MTMR14: variants seen among roughly 807,000 people sequenced by gnomAD.
MTMR14 encodes the protein phosphatidylinositol-3,5-bisphosphate 3-phosphatase MTMR14.
Under a neutral mutation model 86.3 loss-of-function variants are expected in MTMR14, and 48 were observed. That is an observed-to-expected ratio of 0.56 (90% CI 0.44 to 0.71). MTMR14 has a LOEUF of 0.71. Among genes scored for constraint, MTMR14 ranks in the 30% least tolerant of loss-of-function variants. The probability of loss-of-function intolerance (pLI) is 0.00; values close to 1 mark genes in which losing one functional copy is unlikely to be tolerated. For missense variants in MTMR14, 780 were observed against 834.6 expected, an observed-to-expected ratio of 0.93 and a Z score of 0.81; for synonymous variants, 366 against 326.1, an observed-to-expected ratio of 1.12 and a Z score of -1.32.
intron 4 of MTMR14, 119 bp downstream of exon 4, chr3:9,668,913 G>C (rs1017824512): frequency 9.7e-7 from 1 of 1,036,082 alleles, no homozygotes; most frequent in Admixed American, 1.8e-5. Context: ...GCCAAGGCGA[G>C]CGGATCCCGA....
chr3:9,672,883 T>G, intron 7 of MTMR14, 125 bp downstream of exon 7: 1 of 887,594 alleles, frequency 1.1e-6, no homozygotes, highest in East Asian at 2.4e-5. Context: ...TGTCAGGCAG[T>G]GTAGGACATT....
At chr3:9,665,279 C>CA (rs748046896) in intron 3 of MTMR14, among the ~76,000 whole-genome samples, 3,801 of 66,538 alleles carry the variant, frequency 0.057, 95 homozygotes, top group Non-Finnish European at 0.072. Context: ...GAGACTGTCT[C>CA]AAAAAAAAAA....
chr3:9,690,759 T>G (rs534910096), intron 17 of MTMR14, among the ~76,000 whole-genome samples: 2 of 152,362 alleles, frequency 1.3e-5, no homozygotes, highest in South Asian at 4.1e-4. Flanking sequence ...TCCTACCACT[T>G]TCATACTCCC....
intron 17 of MTMR14, among the ~76,000 whole-genome samples, chr3:9,695,889 A>G (rs541095039): frequency 6.6e-6 from 1 of 152,328 alleles, no homozygotes; most frequent in South Asian, 2.1e-4. Flanking sequence ...GAGGGGGCAC[A>G]GGGCAGGCTG....
chr3:9,653,397 T>G (rs1257040194), intron 1 of MTMR14, among the ~76,000 whole-genome samples: 2 of 148,648 alleles, frequency 1.3e-5, no homozygotes, highest in Non-Finnish European at 2.9e-5. Context: ...ACCCACAATT[T>G]CAGATTCATT....
intron 2 of MTMR14, among the ~76,000 whole-genome samples, chr3:9,658,694 G>A (rs1429247375): frequency 1.3e-5 from 2 of 152,118 alleles, no homozygotes; most frequent in African/African-American, 4.8e-5. Context: ...TGTAAAATTG[G>A]GTAAGTGAGG....
intron 3 of MTMR14, among the ~76,000 whole-genome samples, chr3:9,665,373 G>GA (rs1491017959): frequency 1.4e-5 from 2 of 145,346 alleles, no homozygotes; most frequent in Non-Finnish European, 2.9e-5. Flanking sequence ...AGCGGAAACA[G>GA]AAAATCAAAT....
At chr3:9,654,774 C>T (rs185899320) in intron 2 of MTMR14, among the ~76,000 whole-genome samples, 3 of 152,316 alleles carry the variant, frequency 2.0e-5, no homozygotes, top group Admixed American at 6.5e-5. Context: ...TTGTTAGAAA[C>T]GCAGAAGCTC....
chr3:9,655,708 G>A (rs535176109), intron 2 of MTMR14, among the ~76,000 whole-genome samples: 113 of 150,244 alleles, frequency 7.5e-4, no homozygotes, highest in Non-Finnish European at 1.5e-3. Flanking sequence ...TGATCCAGCC[G>A]CCTCGGCCTC....
intron 1 of MTMR14, among the ~76,000 whole-genome samples, chr3:9,652,798 T>C (rs1346783822): frequency 1.3e-5 from 2 of 151,882 alleles, no homozygotes; most frequent in Non-Finnish European, 2.9e-5. Context: ...AAGACCAGCC[T>C]GGCCAGCATG....
chr3:9,656,610 G>A (rs1395369555), intron 2 of MTMR14, among the ~76,000 whole-genome samples: 1 of 152,008 alleles, frequency 6.6e-6, no homozygotes, highest in African/African-American at 2.4e-5. Flanking sequence ...TAGTAGAGAT[G>A]GGTTTTGCCA....
At chr3:9,675,732 A>G (rs2075548475) in intron 7 of MTMR14, 1 of 456,478 alleles carries the variant, frequency 2.2e-6, no homozygotes, top group African/African-American at 2.0e-5. Flanking sequence ...TCTCACAAAA[A>G]CTGCTTCTGC....
intron 7 of MTMR14, among the ~76,000 whole-genome samples, chr3:9,674,827 A>C (rs573489303): frequency 1.3e-5 from 2 of 152,328 alleles, no homozygotes; most frequent in South Asian, 2.1e-4. Context: ...AAAAGGCATC[A>C]AAAGCCGAGT....
At chr3:9,676,663 A>G (rs771449215) in intron 7 of MTMR14, among the ~76,000 whole-genome samples, 6 of 152,198 alleles carry the variant, frequency 3.9e-5, no homozygotes, top group Non-Finnish European at 7.4e-5. Context: ...TTAAGCTGGG[A>G]ATGTTGCCAA....
At chr3:9,696,674 G>A (rs1219093798) in intron 17 of MTMR14, among the ~76,000 whole-genome samples, 2 of 152,152 alleles carry the variant, frequency 1.3e-5, no homozygotes, top group South Asian at 2.1e-4. Flanking sequence ...GTGACCAGTC[G>A]GGCTGTCACC....
chr3:9,694,768 C>T (rs12490544), intron 17 of MTMR14, among the ~76,000 whole-genome samples: 2 of 152,100 alleles, frequency 1.3e-5, no homozygotes, highest in African/African-American at 2.4e-5. Context: ...TCTTGTACCC[C>T]CTTCCAGAAA....
At chr3:9,667,530 TACA>T (rs1340496324) in intron 3 of MTMR14, among the ~76,000 whole-genome samples, 5 of 152,132 alleles carry the variant, frequency 3.3e-5, no homozygotes, top group African/African-American at 1.2e-4. Flanking sequence ...CCCACTGGAG[TACA>T]TCCTACTTAA....
intron 13 of MTMR14, 39 bp downstream of exon 13, chr3:9,685,286 A>G (rs1275841536): frequency 6.2e-7 from 1 of 1,613,018 alleles, no homozygotes; most frequent in Non-Finnish European, 8.5e-7. Flanking sequence ...ACAGCTCAGC[A>G]CTGAAAGAGG....
chr3:9,688,745 T>G lies in MTMR14; in HGVS notation c.1285T>G (p.Cys429Gly). Reference sequence around the variant, plus strand: ...TGGAGGCTTCACCCTGGAAGACATCTGCATGCTGAGTGAGTCCTGGGCCCC... The same window carrying G: ...TGGAGGCTTCACCCTGGAAGACATCGGCATGCTGAGTGAGTCCTGGGCCCC... ...RDGGFTLEDI[C>G]MLRRKDRGST... The change falls in exon 15 of 19, where the codon TGC (cysteine) becomes GGC (glycine). Residue 429 changes from cysteine to glycine, a missense_variant. Coordinates refer to ENST00000296003, the MANE Select transcript of MTMR14 (RefSeq NM_001077525.3). The G allele has an allele frequency of 6.2e-7, 1 of 1,614,118 alleles. No homozygotes were observed. The highest frequency in any genetic ancestry group is 8.5e-7 in the Non-Finnish European group (1 of 1,180,024).
Sources: gnomAD v4.1 joint callset for allele counts (sites outside exome capture counted in the v4.1 genomes callset) on GRCh38, gnomAD v4.1.1 for gene constraint, MANE v1.5 for transcripts, NCBI Gene and HGNC (gene_info 2026-07-23, HGNC 2026-07-21) for gene names.